Variants in UNC5C observed in about 807,000 individuals in gnomAD.
UNC5C encodes the protein unc-5 netrin receptor C.
A neutral mutation model predicts 99.8 loss-of-function variants in UNC5C; 47 were observed. That is an observed-to-expected ratio of 0.47 (90% CI 0.37 to 0.60). UNC5C has a LOEUF of 0.60. Among genes scored for constraint, UNC5C ranks in the 20% least tolerant of loss-of-function variants. UNC5C has a pLI of 0.00. For synonymous variants in UNC5C, 487 were observed against 452.2 expected (o/e 1.08, Z -0.98); for missense variants, 1,062 against 1,165.9 (o/e 0.91, Z 1.30).
rs751558364 is a variant in UNC5C, at chr4:95,242,457, C to T, written c.1080G>A (p.Lys360=). 1.2e-6 allele frequency: 2 copies of T among 1,614,150 alleles called. No homozygotes were observed. The highest frequency in any genetic ancestry group is 8.5e-7 in the Non-Finnish European group (1 of 1,180,008). The stretch of plus-strand genomic sequence containing the variant: ...GCATGCAAAGCCCATCAGTGCAGTT[C>T]TTGGATTGCAAGACGAGGCCGTCGC... ...KDCDGLVLQS[K]NCTDGLCMQT... The change falls in exon 7 of 16, where the codon AAG becomes AAA. Residue 360 remains lysine, a synonymous_variant. Transcript: ENST00000453304.
chr4:95,520,631 C>A (rs957582314), intron 1 of UNC5C, among the ~76,000 whole-genome samples: 2 of 143,792 alleles, frequency 1.4e-5, no homozygotes, highest in African/African-American at 5.2e-5. Context: ...CGGAGTCTCC[C>A]TCTGTCGCCC....
intron 1 of UNC5C, among the ~76,000 whole-genome samples, chr4:95,369,992 T>C (rs1410176014): frequency 6.6e-6 from 1 of 152,092 alleles, no homozygotes; most frequent in African/African-American, 2.4e-5. Flanking sequence ...ATACACAGGA[T>C]ATAGTTTTAG....
At chr4:95,412,855 C>T (rs1234000426) in intron 1 of UNC5C, among the ~76,000 whole-genome samples, 1 of 152,096 alleles carries the variant, frequency 6.6e-6, no homozygotes, top group East Asian at 1.9e-4. Context: ...GGCCAGGTAG[C>T]AAAAGGGTGA....
chr4:95,443,335 T>C (rs1747005363), intron 1 of UNC5C, among the ~76,000 whole-genome samples: 1 of 152,190 alleles, frequency 6.6e-6, no homozygotes, highest in Admixed American at 6.5e-5. Context: ...GTTGTTATTT[T>C]TCAAGTATAA....
At chr4:95,283,527 G>A (rs1410267447) in intron 3 of UNC5C, among the ~76,000 whole-genome samples, 1 of 152,200 alleles carries the variant, frequency 6.6e-6, no homozygotes, top group Non-Finnish European at 1.5e-5. Flanking sequence ...GCTACTCTGC[G>A]AAGGGAGGGT....
intron 4 of UNC5C, among the ~76,000 whole-genome samples, chr4:95,269,702 G>T (rs1332372746): frequency 1.3e-5 from 2 of 151,464 alleles, no homozygotes; most frequent in African/African-American, 4.9e-5. Flanking sequence ...GAATAGCAAG[G>T]CCTTGACAAT....
intron 1 of UNC5C, among the ~76,000 whole-genome samples, chr4:95,394,304 G>C (rs1560817253): frequency 6.6e-6 from 1 of 151,340 alleles, no homozygotes; most frequent in Non-Finnish European, 1.5e-5. Context: ...TTTGAAAGGA[G>C]GTGATGAAAT....
At chr4:95,279,591 A>T (rs566218476) in intron 3 of UNC5C, among the ~76,000 whole-genome samples, 3 of 152,330 alleles carry the variant, frequency 2.0e-5, no homozygotes, top group South Asian at 2.1e-4. Flanking sequence ...GCATTTTTTT[A>T]AAATGCCTAC....
At chr4:95,460,098 G>C (rs1747555246) in intron 1 of UNC5C, among the ~76,000 whole-genome samples, 1 of 151,612 alleles carries the variant, frequency 6.6e-6, no homozygotes, top group South Asian at 2.1e-4. Flanking sequence ...TTTTAAAAAG[G>C]AGTAGGAGTC....
At chr4:95,315,097 A>G (rs568935875) in intron 2 of UNC5C, among the ~76,000 whole-genome samples, 39 of 152,312 alleles carry the variant, frequency 2.6e-4, no homozygotes, top group African/African-American at 9.1e-4. Context: ...GGATCATGGT[A>G]AAAAAGCAAC....
At chr4:95,201,635 A>C (rs1004906040) in intron 12 of UNC5C, among the ~76,000 whole-genome samples, 2 of 148,316 alleles carry the variant, frequency 1.3e-5, no homozygotes. Context: ...ACAGAGTTTC[A>C]CTCTGTCGCC....
At chr4:95,356,224 A>AAAAAAAAAATC (rs1560801873) in intron 1 of UNC5C, among the ~76,000 whole-genome samples, 1 of 127,502 alleles carries the variant, frequency 7.8e-6, no homozygotes, top group Non-Finnish European at 1.6e-5. Context: ...AAAACAAAAA[A>AAAAAAAAAATC]AAAACAGATT....
chr4:95,395,929 T>C lies in UNC5C; in HGVS notation c.125-60298A>G, dbSNP rs1745497274. ...CCTGTTGGCCTGTCTCTGGGTCTCATAGAGTTGGAGTACACAGATGGGCAG... is the reference window on the plus strand; with the variant it reads ...CCTGTTGGCCTGTCTCTGGGTCTCACAGAGTTGGAGTACACAGATGGGCAG... On this transcript the variant is annotated intron_variant, in intron 1 of 15. Transcript: ENST00000453304. 4.6e-5 allele frequency among the ~76,000 whole-genome samples: 7 copies of C among 152,280 alleles called. No homozygotes were observed. In the South Asian group the frequency reaches 1.4e-3, roughly 32 times the overall value.
intron 1 of UNC5C, among the ~76,000 whole-genome samples, chr4:95,470,867 G>A (rs1282378807): frequency 2.6e-5 from 4 of 151,962 alleles, no homozygotes; most frequent in African/African-American, 7.2e-5. Flanking sequence ...ATTTGTAAGG[G>A]TTTCCTTGAT....
intron 1 of UNC5C, among the ~76,000 whole-genome samples, chr4:95,483,201 C>T (rs1044123946): frequency 2.6e-5 from 4 of 151,598 alleles, no homozygotes; most frequent in African/African-American, 9.7e-5. Flanking sequence ...AATCCTCAGT[C>T]TCACACCAGC....
At chr4:95,308,229 A>G (rs1299986732) in intron 2 of UNC5C, among the ~76,000 whole-genome samples, 1 of 152,190 alleles carries the variant, frequency 6.6e-6, no homozygotes, top group Non-Finnish European at 1.5e-5. Flanking sequence ...AAAACGGTTA[A>G]AATTAATAAA....
At chr4:95,540,328 C>T (rs1452801313) in intron 1 of UNC5C, among the ~76,000 whole-genome samples, 1 of 152,108 alleles carries the variant, frequency 6.6e-6, no homozygotes, top group Non-Finnish European at 1.5e-5. Flanking sequence ...GGTCTCTATT[C>T]CGGATAGCAC....
intron 1 of UNC5C, among the ~76,000 whole-genome samples, chr4:95,489,689 C>T (rs748510948): frequency 6.6e-6 from 1 of 151,578 alleles, no homozygotes; most frequent in African/African-American, 2.4e-5. Flanking sequence ...CTACATATGC[C>T]GTGAAATCAG....
At chr4:95,505,869 G>T (rs915247915) in intron 1 of UNC5C, among the ~76,000 whole-genome samples, 1 of 151,972 alleles carries the variant, frequency 6.6e-6, no homozygotes, top group East Asian at 1.9e-4. Flanking sequence ...TCACAACTCT[G>T]ATTTATCTTG....
Sources: gnomAD v4.1 joint callset for allele counts (sites outside exome capture counted in the v4.1 genomes callset) on GRCh38, gnomAD v4.1.1 for gene constraint, MANE v1.5 for transcripts, NCBI Gene and HGNC (gene_info 2026-07-23, HGNC 2026-07-21) for gene names.